Variants in LARGE1 observed in about 807,000 individuals in gnomAD.
The protein encoded by LARGE1 is xylosyl- and glucuronyltransferase LARGE1.
LARGE1 carries 43 observed loss-of-function variants against 87.6 expected under a neutral mutation model. The observed-to-expected ratio is 0.49, with a 90% CI of 0.38 to 0.63. The LOEUF (loss-of-function observed/expected upper bound fraction) is 0.63. Ranked by LOEUF, LARGE1 falls within the 30% of genes least tolerant of loss-of-function variation. The probability of loss-of-function intolerance (pLI) is 0.00; values close to 1 mark genes in which losing one functional copy is unlikely to be tolerated. For synonymous variants in LARGE1, 434 were observed against 394.6 expected (o/e 1.10, Z -1.18); for missense variants, 802 against 1,000.2 (o/e 0.80, Z 2.67).
At chr22:33,865,375 G>A (rs913628228) in intron 1 of LARGE1, among the ~76,000 whole-genome samples, 2 of 152,182 alleles carry the variant, frequency 1.3e-5, no homozygotes, top group African/African-American at 4.8e-5. Context: ...GAACATCCTG[G>A]TAGGGAATAT....
chr22:33,815,092 A>C (rs1170204689), intron 1 of LARGE1, among the ~76,000 whole-genome samples: 2 of 152,244 alleles, frequency 1.3e-5, no homozygotes, highest in African/African-American at 4.8e-5. Context: ...ATGATCTGCC[A>C]CTGAATATAT....
intron 5 of LARGE1, among the ~76,000 whole-genome samples, chr22:33,580,827 G>A (rs1328723705): frequency 6.6e-6 from 1 of 152,196 alleles, no homozygotes. Context: ...CCAGTAGTGA[G>A]CAGATTTAAA....
chr22:33,395,088 G>T (rs1202634773), intron 7 of LARGE1, among the ~76,000 whole-genome samples: 1 of 152,058 alleles, frequency 6.6e-6, no homozygotes, highest in Non-Finnish European at 1.5e-5. Flanking sequence ...AATTAGCCGG[G>T]CGTGGTGGCG....
At chr22:33,505,469 C>T (rs1046784788) in intron 6 of LARGE1, among the ~76,000 whole-genome samples, 2 of 152,178 alleles carry the variant, frequency 1.3e-5, no homozygotes, top group Non-Finnish European at 2.9e-5. Context: ...GGGCTCGTTT[C>T]CCTGGAAGAA....
At chr22:33,264,732 T>C (rs73397580) in intron 11 of LARGE1, among the ~76,000 whole-genome samples, 2,846 of 152,068 alleles carry the variant, frequency 0.019, 91 homozygotes, top group African/African-American at 0.065. Context: ...AAAGTCTCTC[T>C]GCTTGATGAA....
chr22:33,457,099 T>C (rs1037359639), intron 6 of LARGE1, among the ~76,000 whole-genome samples: 7 of 152,084 alleles, frequency 4.6e-5, no homozygotes, highest in Admixed American at 4.6e-4. Flanking sequence ...AATGTATCTG[T>C]CTAACAACTT....
At chr22:33,333,568 A>C (rs138646828) in intron 10 of LARGE1, among the ~76,000 whole-genome samples, 200 of 152,088 alleles carry the variant, frequency 1.3e-3, no homozygotes, top group Non-Finnish European at 2.3e-3. Context: ...TTAACAGTTC[A>C]CTTCTTCATC....
intron 7 of LARGE1, among the ~76,000 whole-genome samples, chr22:33,401,933 G>T (rs1165322795): frequency 6.6e-6 from 1 of 152,122 alleles, no homozygotes; most frequent in Non-Finnish European, 1.5e-5. Flanking sequence ...GTCCCTGGGT[G>T]CCCCAGCATC....
chr22:33,855,191 C>A lies in LARGE1; in HGVS notation c.-83+64804G>T, dbSNP rs543877713. 2.0e-5 allele frequency among the ~76,000 whole-genome samples: 3 copies of A among 152,070 alleles called. No homozygotes were observed. In the East Asian group the frequency reaches 5.8e-4, roughly 29 times the overall value. ...CTACTAAAAATACAAAAAAATTAGCCGGGTGTGGTGGCGGTACCTGTAGTT... is the reference window on the plus strand; with the variant it reads ...CTACTAAAAATACAAAAAAATTAGCAGGGTGTGGTGGCGGTACCTGTAGTT... On this transcript the variant is annotated intron_variant, in intron 1 of 14. Transcript: ENST00000397394.
In LARGE1 at chr22:33,382,324, T is replaced by C. The variant is rs75119296; in HGVS notation, c.1006-280A>G. ...TCCAGTGAGCTCACATGTGCAGACA[T>C]GGGGTGTCTTCCCTACCCTCACTGG... On this transcript the variant is annotated intron_variant, in intron 8 of 14. Transcript: ENST00000397394. Among the ~76,000 whole-genome samples the C allele has an allele frequency of 0.019, 2,877 of 152,166 alleles. 98 individuals are homozygous for C. Among genetic ancestry groups the C allele is most frequent in the African/African-American group, 0.066 (2,746 of 41,506 alleles).
chr22:33,743,880 C>T (rs1470998109), intron 2 of LARGE1: 2 of 152,198 alleles, frequency 1.3e-5, no homozygotes. Context: ...ATAACGTTAG[C>T]CCAGCTTGAC....
At chr22:33,499,837 A>T (rs8137506) in intron 6 of LARGE1, among the ~76,000 whole-genome samples, 1 of 152,002 alleles carries the variant, frequency 6.6e-6, no homozygotes, top group Non-Finnish European at 1.5e-5. Flanking sequence ...GCAATGGTGC[A>T]ATCTCGGCTC....
At position 33,794,290 on chromosome 22, in the gene LARGE1, G is replaced by A. The variant is rs576972732; in HGVS notation, c.-82-32732C>T. 9.5e-4 allele frequency among the ~76,000 whole-genome samples: 144 copies of A among 152,322 alleles called. 2 individuals are homozygous for A. The highest frequency in any genetic ancestry group is 1.8e-3 in the Non-Finnish European group (121 of 68,036). ...TGTCTGAGTCTGATTCTTCTCAGGA[G>A]GGAGGGAAGAAAGAAGGGAACCCTG... On this transcript the variant is annotated intron_variant, in intron 1 of 14. Coordinates refer to ENST00000397394, the MANE Select transcript of LARGE1 (RefSeq NM_133642.5).
chr22:33,575,900 G>A (rs1432331973), intron 5 of LARGE1, among the ~76,000 whole-genome samples: 2 of 152,166 alleles, frequency 1.3e-5, no homozygotes, highest in Non-Finnish European at 2.9e-5. Flanking sequence ...GAAGCTTGAG[G>A]GGATTGGTCA....
intron 5 of LARGE1, among the ~76,000 whole-genome samples, chr22:33,570,324 C>T (rs962979730): frequency 6.6e-6 from 1 of 151,994 alleles, no homozygotes; most frequent in Non-Finnish European, 1.5e-5. Flanking sequence ...AATTCTGGTA[C>T]CTTTGAAAGT....
At chr22:33,838,624 C>T (rs953529417) in intron 1 of LARGE1, among the ~76,000 whole-genome samples, 3 of 152,092 alleles carry the variant, frequency 2.0e-5, no homozygotes, top group South Asian at 2.1e-4. Flanking sequence ...CTGTCCCCAG[C>T]AAAATAAATA....
chr22:33,897,714 A>G (rs1489815576), intron 1 of LARGE1, among the ~76,000 whole-genome samples: 1 of 152,192 alleles, frequency 6.6e-6, no homozygotes, highest in Non-Finnish European at 1.5e-5. Flanking sequence ...CTCCGTGTTG[A>G]AGGGGACAAA....
intron 11 of LARGE1, among the ~76,000 whole-genome samples, chr22:33,265,447 G>C (rs1278138750): frequency 6.6e-6 from 1 of 152,128 alleles, no homozygotes; most frequent in African/African-American, 2.4e-5. Context: ...GTCCTGAATA[G>C]AGTCTCACTT....
the LARGE1 span, among the ~76,000 whole-genome samples, chr22:33,069,735 C>T: frequency 6.6e-6 from 1 of 151,812 alleles, no homozygotes; most frequent in East Asian, 1.9e-4. Context: ...AGGCACTGAC[C>T]TAGGAGCTCT....
Sources: gnomAD v4.1 joint callset for allele counts (sites outside exome capture counted in the v4.1 genomes callset) on GRCh38, gnomAD v4.1.1 for gene constraint, MANE v1.5 for transcripts, NCBI Gene and HGNC (gene_info 2026-07-23, HGNC 2026-07-21) for gene names.